ARHGEF18: variants seen among roughly 807,000 people sequenced by gnomAD.
The protein encoded by ARHGEF18 is Rho/Rac guanine nucleotide exchange factor 18.
In ARHGEF18, 93 loss-of-function variants were observed where a neutral mutation model predicts 155.7. The ratio of observed to expected loss-of-function variants is 0.60; its 90% CI spans 0.50 to 0.71. The LOEUF (loss-of-function observed/expected upper bound fraction) is 0.71. ARHGEF18 is among the 30% of genes least tolerant of loss of function. The pLI, the probability that ARHGEF18 is intolerant of heterozygous loss-of-function variation, is 0.00. For synonymous variants in ARHGEF18, 742 were observed against 753.1 expected (o/e 0.99, Z 0.24); for missense variants, 1,593 against 1,816.1 (o/e 0.88, Z 2.23).
chr19:7,398,701 A>AT lies in ARHGEF18; in HGVS notation c.967+15498_967+15499insT, dbSNP rs1568297992. 2.5e-4 allele frequency among the ~76,000 whole-genome samples: 37 copies of AT among 147,066 alleles called. No homozygotes were observed. In the East Asian group the frequency reaches 7.3e-3, roughly 29 times the overall value. On this transcript the variant is annotated intron_variant, in intron 10 of 28. Coordinates refer to ENST00000668164, the MANE Select transcript of ARHGEF18 (RefSeq NM_001367823.1). ...GCTAGACTCTGTCTCAAAAAAAAAA[A>AT]AAAAAATAAAGAAAGAAAGAAAAGA...
In ARHGEF18 at chr19:7,471,553, CCTT is replaced by C. The variant is rs1196504176; in HGVS notation, c.*1258_*1260del. The stretch of plus-strand genomic sequence containing the variant: ...ATGTGAGCCCCTGCCAGGGCCAAGT[CCTT>C]CTCCCGAACCCAGGGTCCTGGGAAC... On this transcript the variant is annotated 3_prime_UTR_variant, in exon 29 of 29. Transcript: ENST00000668164. This position sits in a 1 kb window ranked among gnomAD's most constrained non-coding sequence, Gnocchi z 4.4. The C allele has an allele frequency of 6.6e-6, 1 of 152,300 alleles. No individual in the cohort carries two copies. The highest frequency in any genetic ancestry group is 1.5e-5 in the Non-Finnish European group (1 of 68,086). The allele number at this position is 152,300 out of a possible 1,614,324, so 9.4% of individuals were successfully genotyped here. A position where few individuals can be genotyped will look rare whatever the true frequency, so the allele number is the denominator to read the frequency against.
chr19:7,478,044 C>A, the ARHGEF18 span, among the ~76,000 whole-genome samples: 1 of 152,214 alleles, frequency 6.6e-6, no homozygotes, highest in Non-Finnish European at 1.5e-5. Flanking sequence ...GAAAAAGCAA[C>A]AGTAACAATG....
chr19:7,399,845 T>C (rs1255102617), intron 10 of ARHGEF18, among the ~76,000 whole-genome samples: 1 of 150,402 alleles, frequency 6.6e-6, no homozygotes, highest in Non-Finnish European at 1.5e-5. Context: ...CGATCACAGC[T>C]CACTACAGCC....
intron 10 of ARHGEF18, among the ~76,000 whole-genome samples, chr19:7,409,530 C>T (rs1358163689): frequency 1.3e-5 from 2 of 150,794 alleles, no homozygotes; most frequent in Non-Finnish European, 2.9e-5. Context: ...TGAGTTCAAG[C>T]TATTCTCCTG....
intron 10 of ARHGEF18, among the ~76,000 whole-genome samples, chr19:7,424,262 G>A (rs1006558081): frequency 1.3e-5 from 2 of 152,058 alleles, no homozygotes; most frequent in South Asian, 4.1e-4. Flanking sequence ...CCGACCTCAG[G>A]TGATCCGCCT....
chr19:7,471,036 G>A lies in ARHGEF18; in HGVS notation c.*738G>A, dbSNP rs1976991911. On this transcript the variant is annotated 3_prime_UTR_variant, in exon 29 of 29. Coordinates refer to ENST00000668164, the MANE Select transcript of ARHGEF18 (RefSeq NM_001367823.1). This position sits in a 1 kb window ranked among gnomAD's most constrained non-coding sequence, Gnocchi z 4.4. ...CTTGGCATTGGTTTTGAAACCAGCT[G>A]TTTCCCAAACTCTGCTTCCCAAGGG... is the stretch of plus-strand genomic sequence containing the variant. The A allele has an allele frequency of 2.6e-6, 1 of 383,192 alleles. No homozygotes were observed. Among genetic ancestry groups the A allele is most frequent in the Non-Finnish European group, 4.6e-6 (1 of 216,396 alleles). 23.7% of individuals were successfully genotyped at this position (383,192 alleles called of 1,614,324 possible).
At chr19:7,425,113 AAG>A (rs1379780798) in intron 10 of ARHGEF18, among the ~76,000 whole-genome samples, 1 of 152,106 alleles carries the variant, frequency 6.6e-6, no homozygotes, top group Non-Finnish European at 1.5e-5. Flanking sequence ...TTTGCAGATG[AAG>A]AGTTTGTACC....
intron 10 of ARHGEF18, among the ~76,000 whole-genome samples, chr19:7,406,259 A>G (rs943902756): frequency 8.6e-5 from 13 of 151,712 alleles, no homozygotes; most frequent in African/African-American, 3.1e-4. Context: ...TAATTTTTGT[A>G]TTTTTAGTAG....
Position 7,463,627 on chromosome 19 carries a change from G to A in ARHGEF18, c.2636-191G>A. ...CTTAGACGCAGATTGGCCTGTCCTG[G>A]TGGCCATACCTGAAGTAAGGGTGTG... On this transcript the variant is annotated intron_variant, in intron 21 of 28. Transcript: ENST00000668164. This position sits in a 1 kb window ranked among gnomAD's most constrained non-coding sequence, Gnocchi z 5.2. 6.6e-6 allele frequency among the ~76,000 whole-genome samples: 1 copy of A among 152,196 alleles called. No homozygotes were observed. The highest frequency in any genetic ancestry group is 2.1e-4 in the South Asian group (1 of 4,834).
chr19:7,404,674 AGG>A (rs1375424762), intron 10 of ARHGEF18, among the ~76,000 whole-genome samples: 1 of 151,906 alleles, frequency 6.6e-6, no homozygotes, highest in African/African-American at 2.4e-5. Flanking sequence ...CTCTATTAAA[AGG>A]CCTTTTAGAT....
intron 10 of ARHGEF18, among the ~76,000 whole-genome samples, chr19:7,438,416 T>C (rs1212581637): frequency 6.6e-6 from 1 of 150,720 alleles, no homozygotes; most frequent in Non-Finnish European, 1.5e-5. Flanking sequence ...TTCTTTTTTT[T>C]TTTTTTATTT....
intron 1 of ARHGEF18, among the ~76,000 whole-genome samples, chr19:7,356,993 G>A (rs4074111): frequency 0.2 from 29,727 of 152,110 alleles, 3,472 homozygotes; most frequent in Non-Finnish European, 0.26. Flanking sequence ...GTTAGGGGGA[G>A]AGAGGATGGC....
chr19:7,404,106 G>A (rs1468280667), intron 10 of ARHGEF18, among the ~76,000 whole-genome samples: 1 of 151,712 alleles, frequency 6.6e-6, no homozygotes, highest in South Asian at 2.1e-4. Context: ...CAGCCTCACA[G>A]AGTGCTGGGA....
At chr19:7,396,152 T>A (rs1600287062) in intron 10 of ARHGEF18, among the ~76,000 whole-genome samples, 1 of 152,228 alleles carries the variant, frequency 6.6e-6, no homozygotes, top group Admixed American at 6.5e-5. Flanking sequence ...GCTGTGGCTA[T>A]CTGCCCCTTA....
intron 1 of ARHGEF18, among the ~76,000 whole-genome samples, chr19:7,352,248 C>A (rs572773140): frequency 6.6e-6 from 1 of 151,180 alleles, no homozygotes; most frequent in Non-Finnish European, 1.5e-5. Context: ...CTGATTGTGA[C>A]CTATGCTGAC....
At chr19:7,371,091 T>C (rs1020038114) in intron 2 of ARHGEF18, among the ~76,000 whole-genome samples, 4 of 151,964 alleles carry the variant, frequency 2.6e-5, no homozygotes, top group South Asian at 2.1e-4. Context: ...TTAAATTTTT[T>C]TGTAGAGATA....
At chr19:7,424,440 C>G (rs866643095) in intron 10 of ARHGEF18, among the ~76,000 whole-genome samples, 1 of 152,138 alleles carries the variant, frequency 6.6e-6, no homozygotes, top group Non-Finnish European at 1.5e-5. Context: ...GTAACCTTTG[C>G]GTCCAAAATC....
At chr19:7,377,268 G>A (rs1403235739) in intron 5 of ARHGEF18, among the ~76,000 whole-genome samples, 2 of 151,882 alleles carry the variant, frequency 1.3e-5, no homozygotes, top group East Asian at 1.9e-4. Context: ...ACAGGGTTTC[G>A]CCATGTTGGC....
intron 10 of ARHGEF18, among the ~76,000 whole-genome samples, chr19:7,432,697 C>T (rs1974032913): frequency 1.3e-5 from 2 of 152,290 alleles, no homozygotes; most frequent in South Asian, 4.1e-4. Flanking sequence ...GACTAGGGCC[C>T]AGCTGCCTTC....
Sources: gnomAD v4.1 joint callset for allele counts (sites outside exome capture counted in the v4.1 genomes callset) on GRCh38, gnomAD v4.1.1 for gene constraint, Gnocchi (gnomAD v3.1) non-coding constraint, MANE v1.5 for transcripts, NCBI Gene and HGNC (gene_info 2026-07-23, HGNC 2026-07-21) for gene names.